Variants in TRIM23 observed in about 807,000 individuals in gnomAD.
TRIM23 encodes the protein tripartite motif containing 23, also known as E3 ubiquitin-protein ligase TRIM23.
Under a neutral mutation model 71.0 loss-of-function variants are expected in TRIM23, and 27 were observed. The observed-to-expected ratio is 0.38, with a 90% CI of 0.28 to 0.52. The LOEUF (loss-of-function observed/expected upper bound fraction) is 0.52, where lower values mean the gene tolerates loss of function less well. Ranked by LOEUF, TRIM23 falls within the 20% of genes least tolerant of loss-of-function variation. The probability of loss-of-function intolerance (pLI) is 0.84; values close to 1 mark genes in which losing one functional copy is unlikely to be tolerated. For missense variants in TRIM23, 482 were observed against 692.3 expected (o/e 0.70, Z 3.41); for synonymous variants, 234 against 238.0 (o/e 0.98, Z 0.16).
At chr5:65,592,418 G>C (rs993316985) in intron 10 of TRIM23, among the ~76,000 whole-genome samples, 2 of 151,966 alleles carry the variant, frequency 1.3e-5, no homozygotes, top group African/African-American at 4.8e-5. Context: ...GTAGAGATGA[G>C]GTTTCACCAT....
At chr5:65,604,762 A>C (rs1754453740) in intron 7 of TRIM23, 149 bp downstream of exon 7, 1 of 633,920 alleles carries the variant, frequency 1.6e-6, no homozygotes, top group Non-Finnish European at 2.4e-6. Flanking sequence ...AAGTGAGCAC[A>C]CCATTTCTAT....
At position 65,594,783 on chromosome 5, in the gene TRIM23, G is replaced by A. The variant is rs2292154; in HGVS notation, c.1421-138C>T. On this transcript the variant is annotated intron_variant, in intron 9 of 10. Coordinates refer to ENST00000231524, the MANE Select transcript of TRIM23 (RefSeq NM_001656.4). ...ATTATTTTCACACAGAGGGTGCCTA[G>A]TATGGCAGGGGCACCTACAAATAAT... The A allele has an allele frequency of 1.2e-4, 85 of 719,366 alleles. 1 individual carries two copies. The East Asian group carries it at 2.7e-3, about 23-fold the overall frequency. The allele number at this position is 719,366 out of a possible 1,614,324, so 44.6% of individuals were successfully genotyped here.
intron 6 of TRIM23, among the ~76,000 whole-genome samples, chr5:65,605,963 T>C (rs1380612299): frequency 6.6e-6 from 1 of 152,224 alleles, no homozygotes; most frequent in Non-Finnish European, 1.5e-5. Context: ...CTAATCCCCA[T>C]TATCCAAGCC....
chr5:65,619,555 A>G (rs1328729678), intron 1 of TRIM23, among the ~76,000 whole-genome samples: 1 of 152,210 alleles, frequency 6.6e-6, no homozygotes, highest in Non-Finnish European at 1.5e-5. Context: ...CTAACTCTAC[A>G]ATTAACTTGG....
intron 10 of TRIM23, among the ~76,000 whole-genome samples, chr5:65,592,985 A>G (rs1021165833): frequency 6.6e-6 from 1 of 152,222 alleles, no homozygotes; most frequent in Non-Finnish European, 1.5e-5. Context: ...TACATACACA[A>G]AAGTTGACAT....
chr5:65,605,700 T>TAA (rs1470136090), intron 6 of TRIM23, among the ~76,000 whole-genome samples: 1 of 152,188 alleles, frequency 6.6e-6, no homozygotes, highest in Non-Finnish European at 1.5e-5. Flanking sequence ...TTCTTGAATA[T>TAA]TATTCCAGAC....
chr5:65,613,760 G>A (rs1488410477), intron 3 of TRIM23: 5 of 1,227,012 alleles, frequency 4.1e-6, no homozygotes, highest in Non-Finnish European at 4.1e-6. Context: ...GAGTTTTACT[G>A]TTGACTACTT....
intron 7 of TRIM23, among the ~76,000 whole-genome samples, chr5:65,603,583 G>C (rs1021107856): frequency 1.3e-5 from 2 of 152,110 alleles, no homozygotes; most frequent in Non-Finnish European, 2.9e-5. Flanking sequence ...GAAGTAAAAA[G>C]GGTAGAAGGA....
chr5:65,621,800 T>TTAC (rs34504563), intron 1 of TRIM23, among the ~76,000 whole-genome samples: 4 of 151,540 alleles, frequency 2.6e-5, no homozygotes, highest in African/African-American at 7.3e-5. Context: ...ATCAATCAGA[T>TTAC]ATTTTATTTT....
In TRIM23 at chr5:65,590,137, GTT is replaced by G; in HGVS notation, c.*1630_*1631del. On this transcript the variant is annotated 3_prime_UTR_variant, in exon 11 of 11. Coordinates refer to ENST00000231524, the MANE Select transcript of TRIM23 (RefSeq NM_001656.4). ...AAAAGGGAAGCAAGTTCACCTTAGT[GTT>G]ACACTTTTTCTTCAATTAACTAGTA... 1.9e-6 allele frequency: 1 copy of G among 514,102 alleles called. No homozygotes were observed. The highest frequency in any genetic ancestry group is 3.5e-6 in the Non-Finnish European group (1 of 285,390). 31.8% of individuals were successfully genotyped at this position (514,102 alleles called of 1,614,324 possible).
chr5:65,606,264 C>T (rs154940), intron 6 of TRIM23, among the ~76,000 whole-genome samples: 86,719 of 151,716 alleles, frequency 0.57, 25,183 homozygotes, highest in Non-Finnish European at 0.63. Flanking sequence ...GGCAACATGG[C>T]GAAACTCTGT....
intron 1 of TRIM23, 32 bp downstream of exon 1, chr5:65,624,162 T>C: frequency 6.2e-7 from 1 of 1,613,714 alleles, no homozygotes. Flanking sequence ...GGGAGGCCGA[T>C]GGTGGAGAAT....
chr5:65,624,153 G>A, intron 1 of TRIM23, 41 bp downstream of exon 1: 14 of 1,612,962 alleles, frequency 8.7e-6, no homozygotes, highest in Middle Eastern at 1.7e-4. Context: ...TGAACCGAAG[G>A]GAGGCCGATG....
chr5:65,612,776 G>A (rs547990393), intron 3 of TRIM23, among the ~76,000 whole-genome samples: 14 of 152,228 alleles, frequency 9.2e-5, no homozygotes, highest in African/African-American at 3.1e-4. Flanking sequence ...CTGAGATCAC[G>A]CCACTGCACT....
At chr5:65,605,119 C>A in intron 6 of TRIM23, 74 bp from the exon 7 acceptor site, 1 of 1,377,204 alleles carries the variant, frequency 7.3e-7, no homozygotes, top group South Asian at 1.6e-5. Context: ...ATTACCAACT[C>A]ACAATAAAAG....
At chr5:65,602,594 C>G (rs530824724) in intron 7 of TRIM23, among the ~76,000 whole-genome samples, 11 of 152,192 alleles carry the variant, frequency 7.2e-5, no homozygotes, top group African/African-American at 2.6e-4. Flanking sequence ...CTACTGGTAC[C>G]AATTTACTGT....
chr5:65,606,459 G>GC (rs1754505882), intron 6 of TRIM23, among the ~76,000 whole-genome samples: 1 of 113,248 alleles, frequency 8.8e-6, no homozygotes, highest in African/African-American at 3.6e-5. Flanking sequence ...CACTCCTCCC[G>GC]CCCCCGGCCA....
chr5:65,592,176 C>T (rs773121832), intron 10 of TRIM23, among the ~76,000 whole-genome samples: 2 of 152,106 alleles, frequency 1.3e-5, no homozygotes, highest in Admixed American at 6.6e-5. Flanking sequence ...GCTAGCTTAA[C>T]AATGAAATCA....
At chr5:65,618,518 T>C (rs1279546815) in intron 1 of TRIM23, among the ~76,000 whole-genome samples, 3 of 152,206 alleles carry the variant, frequency 2.0e-5, no homozygotes. Context: ...ATCTTTGTTA[T>C]CTTTTGAAAA....
Sources: gnomAD v4.1 joint callset for allele counts (sites outside exome capture counted in the v4.1 genomes callset) on GRCh38, gnomAD v4.1.1 for gene constraint, MANE v1.5 for transcripts, NCBI Gene and HGNC (gene_info 2026-07-23, HGNC 2026-07-21) for gene names.